DENND2B: variants seen among roughly 807,000 people sequenced by gnomAD.
DENND2B encodes DENN domain containing 2B, also known as DENN domain-containing protein 2B.
Under a neutral mutation model 116.0 loss-of-function variants are expected in DENND2B, and 32 were observed. The observed-to-expected ratio is 0.28, with a 90% confidence interval of 0.21 to 0.37. The LOEUF is 0.37. Among genes scored for constraint, DENND2B ranks in the 10% least tolerant of loss-of-function variants. The pLI is 1.00. For missense variants in DENND2B, 1,276 were observed against 1,477.7 expected, an observed-to-expected ratio of 0.86 and a Z score of 2.24; for synonymous variants, 588 against 583.9, an observed-to-expected ratio of 1.01 and a Z score of -0.10.
At chr11:8,807,575 TGA>T (rs1292648014) in intron 1 of DENND2B, among the ~76,000 whole-genome samples, 2 of 151,916 alleles carry the variant, frequency 1.3e-5, no homozygotes, top group South Asian at 2.1e-4. Flanking sequence ...ATATCTAATT[TGA>T]GAGAGAGAGA....
At position 8,702,596 on chromosome 11, in the gene DENND2B, A is replaced by AC. The variant is rs1169957958; in HGVS notation, c.2695dup (p.Val899GlyfsTer7). On this transcript the variant is annotated frameshift_variant, in exon 14 of 20. Coordinates refer to ENST00000313726, the MANE Select transcript of DENND2B (RefSeq NM_213618.2). LOFTEE classifies it high-confidence loss of function. This position sits in a 1 kb window ranked among gnomAD's most constrained non-coding sequence, Gnocchi z 4.6. ...CCTGAGCTTATCTGCCACAAAAATG[A>AC]CCCGGCGCTCCAGCAGCAGTGAGGC... 1 of 1,613,210 alleles carries AC rather than the reference A, an allele frequency of 6.2e-7. No homozygotes were observed. The highest frequency in any genetic ancestry group is 1.1e-5 in the South Asian group (1 of 91,074).
upstream of DENND2B, among the ~76,000 whole-genome samples, chr11:8,873,048 G>C (rs1402418410): frequency 1.3e-5 from 2 of 152,190 alleles, no homozygotes; most frequent in Non-Finnish European, 2.9e-5. Context: ...GAGAACTCAT[G>C]AATGTAAAGG....
chr11:8,721,605 G>A (rs1166656482), intron 4 of DENND2B, among the ~76,000 whole-genome samples: 3 of 152,090 alleles, frequency 2.0e-5, no homozygotes, highest in African/African-American at 2.4e-5. Flanking sequence ...CAACTCCCTG[G>A]CAACAGATCA....
chr11:8,887,717 A>C (rs1461362856), intron 1 of DENND2B, among the ~76,000 whole-genome samples: 1 of 152,198 alleles, frequency 6.6e-6, no homozygotes, highest in Non-Finnish European at 1.5e-5. Context: ...GCCTGGTCAC[A>C]AAGGGGAGCA....
chr11:8,834,868 GA>G (rs760269343), intron 4 of DENND2B, among the ~76,000 whole-genome samples: 19 of 152,166 alleles, frequency 1.2e-4, no homozygotes, highest in Non-Finnish European at 2.5e-4. Flanking sequence ...CAACATGGCT[GA>G]AATACTGTTT....
intron 13 of DENND2B, among the ~76,000 whole-genome samples, chr11:8,706,118 G>A (rs1480501848): frequency 2.6e-5 from 4 of 152,130 alleles, no homozygotes; most frequent in African/African-American, 7.2e-5. Flanking sequence ...GGTGGTGCAC[G>A]CCTGTAGTCC....
At chr11:8,868,557 C>T (rs1032196606) in intron 2 of DENND2B, among the ~76,000 whole-genome samples, 2 of 152,222 alleles carry the variant, frequency 1.3e-5, no homozygotes, top group Admixed American at 1.3e-4. Context: ...CACTTTACCA[C>T]TTGTGTCATC....
At chr11:8,859,289 TG>T (rs540096827) in intron 2 of DENND2B, among the ~76,000 whole-genome samples, 4,551 of 145,188 alleles carry the variant, frequency 0.031, 93 homozygotes, top group African/African-American at 0.048. Flanking sequence ...AACACTAACG[TG>T]TTTTTTTGTT....
chr11:8,709,465 T>C (rs2043209196), intron 11 of DENND2B, among the ~76,000 whole-genome samples: 1 of 152,162 alleles, frequency 6.6e-6, no homozygotes. Flanking sequence ...GCTCCATCTA[T>C]GTTCCAGCAA....
chr11:8,881,493 A>T lies in DENND2B; in HGVS notation c.-255-384T>A, dbSNP rs147636132. ...TCTGATTCTTCTATCAATTTTTAAA[A>T]TTTCAACTATGATTTTTTAATTTCC... On this transcript the variant is annotated intron_variant, in intron 1 of 22. Coordinates refer to the DENND2B transcript ENST00000534127. Among the ~76,000 whole-genome samples, 1,059 of 152,158 alleles carry T rather than the reference A, an allele frequency of 7.0e-3. 10 individuals are homozygous for T. Among genetic ancestry groups the T allele is most frequent in the Admixed American group, 0.025 (387 of 15,266 alleles).
chr11:8,876,623 T>A (rs1395019687), intron 2 of DENND2B, among the ~76,000 whole-genome samples: 5 of 152,142 alleles, frequency 3.3e-5, no homozygotes, highest in African/African-American at 1.2e-4. Flanking sequence ...ATGCCTGTAA[T>A]CCCAGCACTT....
At chr11:8,903,310 G>T (rs1200365662) in intron 1 of DENND2B, among the ~76,000 whole-genome samples, 1 of 151,914 alleles carries the variant, frequency 6.6e-6, no homozygotes, top group Non-Finnish European at 1.5e-5. Flanking sequence ...TTACTTGGGT[G>T]GATTAGGCAG....
At chr11:8,834,109 G>A (rs1427133305) in intron 4 of DENND2B, among the ~76,000 whole-genome samples, 1 of 152,218 alleles carries the variant, frequency 6.6e-6, no homozygotes, top group African/African-American at 2.4e-5. Context: ...TTTGGAACGG[G>A]ATGACACATG....
At chr11:8,777,359 C>T (rs560336627) in intron 1 of DENND2B, among the ~76,000 whole-genome samples, 9 of 152,200 alleles carry the variant, frequency 5.9e-5, no homozygotes, top group Non-Finnish European at 1.3e-4. Context: ...CCAGGGGAGA[C>T]AAATGTTGCT....
rs2041807257 is a variant in DENND2B at position 8,702,089 on chromosome 11, G to T, written c.2720+483C>A. Among the ~76,000 whole-genome samples the T allele has an allele frequency of 6.6e-6, 1 of 151,916 alleles. No homozygotes were observed. The highest frequency in any genetic ancestry group is 2.4e-5 in the African/African-American group (1 of 41,314). ...GGCCACTGCAGTTGCCTTCTCCAGG[G>T]GACACCCTCCACAGGACCCTCGCTG... On this transcript the variant is annotated intron_variant, in intron 14 of 19. Coordinates refer to ENST00000313726, the MANE Select transcript of DENND2B (RefSeq NM_213618.2). The surrounding 1 kb of genome is among the most constrained non-coding windows in gnomAD (Gnocchi z 4.6).
chr11:8,708,250 T>G, intron 11 of DENND2B: 1 of 985,476 alleles, frequency 1.0e-6, no homozygotes, highest in Non-Finnish European at 1.2e-6. Flanking sequence ...GGACAAGCCA[T>G]TGTAGCTTTT....
chr11:8,883,073 CAG>C (rs2063920039), intron 1 of DENND2B, among the ~76,000 whole-genome samples: 1 of 152,180 alleles, frequency 6.6e-6, no homozygotes, highest in Admixed American at 6.5e-5. Flanking sequence ...GTAACTTGCA[CAG>C]AGTTACTTGC....
At chr11:8,765,880 A>T (rs1021755923) in intron 1 of DENND2B, among the ~76,000 whole-genome samples, 2 of 152,112 alleles carry the variant, frequency 1.3e-5, no homozygotes, top group Admixed American at 1.3e-4. Flanking sequence ...TTTACTAAAA[A>T]TACAAAAAAT....
At chr11:8,804,386 A>C (rs2060636592) in intron 1 of DENND2B, among the ~76,000 whole-genome samples, 1 of 152,088 alleles carries the variant, frequency 6.6e-6, no homozygotes, top group South Asian at 2.1e-4. Flanking sequence ...CTGTCTGTCA[A>C]GTGGCAGGAA....
Sources: gnomAD v4.1 joint callset for allele counts (sites outside exome capture counted in the v4.1 genomes callset) on GRCh38, gnomAD v4.1.1 for gene constraint, Gnocchi (gnomAD v3.1) non-coding constraint, MANE v1.5 for transcripts, NCBI Gene and HGNC (gene_info 2026-07-23, HGNC 2026-07-21) for gene names.